UGT1A8: variants seen among roughly 807,000 people sequenced by gnomAD.
UGT1A8 encodes UDP-glucuronosyltransferase 1A8.
A neutral mutation model predicts 45.3 loss-of-function variants in UGT1A8; 39 were observed. The ratio of observed to expected loss-of-function variants is 0.86; its 90% CI spans 0.67 to 1.12. The LOEUF (loss-of-function observed/expected upper bound fraction) is 1.12, where lower values mean the gene tolerates loss of function less well. UGT1A8 is among the 50% of genes most tolerant of loss of function. The probability of loss-of-function intolerance (pLI) is 0.00; values close to 1 mark genes in which losing one functional copy is unlikely to be tolerated. For synonymous variants in UGT1A8, 275 were observed against 249.2 expected, an observed-to-expected ratio of 1.10 and a Z score of -0.97; for missense variants, 719 against 664.9, an observed-to-expected ratio of 1.08 and a Z score of -0.90.
chr2:233,639,352 C>CA (rs1459756196), intron 1 of UGT1A8, among the ~76,000 whole-genome samples: 1 of 152,126 alleles, frequency 6.6e-6, no homozygotes, highest in Non-Finnish European at 1.5e-5. Flanking sequence ...CAGAGGAATT[C>CA]GATCTCAAAG....
intron 1 of UGT1A8, among the ~76,000 whole-genome samples, chr2:233,650,594 A>G (rs2073714514): frequency 6.6e-6 from 1 of 152,162 alleles, no homozygotes; most frequent in South Asian, 2.1e-4. Flanking sequence ...TAAACTGCAA[A>G]TTTCTTTTGA....
At chr2:233,713,891 C>G in intron 1 of UGT1A8, 4 of 1,613,316 alleles carry the variant, frequency 2.5e-6, no homozygotes, top group African/African-American at 2.7e-5. Context: ...AATCAATGTT[C>G]CAGGCAAAAC....
chr2:233,653,974 C>T (rs1489914653), intron 1 of UGT1A8, among the ~76,000 whole-genome samples: 3 of 152,318 alleles, frequency 2.0e-5, no homozygotes, highest in South Asian at 2.1e-4. Context: ...AACATTTGTA[C>T]GTACATGCCT....
At chr2:233,692,144 A>G (rs1047287655) in intron 1 of UGT1A8, 1 of 152,200 alleles carries the variant, frequency 6.6e-6, no homozygotes, top group East Asian at 1.9e-4. Flanking sequence ...ATGGAAGCCT[A>G]CATAAAAACT....
At chr2:233,762,731 G>A (rs574048851) in intron 1 of UGT1A8, among the ~76,000 whole-genome samples, 140 of 149,512 alleles carry the variant, frequency 9.4e-4, no homozygotes, top group African/African-American at 3.3e-3. Context: ...TTTTTTTTTG[G>A]TCACTACTGT....
chr2:233,710,571 C>T (rs554761424), intron 1 of UGT1A8, among the ~76,000 whole-genome samples: 17 of 152,284 alleles, frequency 1.1e-4, no homozygotes, highest in Admixed American at 9.8e-4. Context: ...AAAAGGTGCC[C>T]TTTCAAAATC....
intron 1 of UGT1A8, chr2:233,729,873 C>G: frequency 2.5e-6 from 4 of 1,613,864 alleles, no homozygotes; most frequent in Non-Finnish European, 3.4e-6. Context: ...TGGATATTCT[C>G]AGTCATGCAT....
rs1699804309 is a variant in UGT1A8, at chr2:233,769,169, A to G, written c.1295+730A>G. Among the ~76,000 whole-genome samples, 1 of 152,236 alleles carries G rather than the reference A, an allele frequency of 6.6e-6. No individual in the cohort carries two copies. The highest frequency in any genetic ancestry group is 2.1e-4 in the South Asian group (1 of 4,828). On this transcript the variant is annotated intron_variant, in intron 4 of 4. Coordinates refer to ENST00000373450, the MANE Select transcript of UGT1A8 (RefSeq NM_019076.5). The surrounding 1 kb of genome is among the most constrained non-coding windows in gnomAD (Gnocchi z 4.4). ...CTGGAACCTGTGAGAAATTTTGTCC[A>G]TGGAGTTTATGAATGAAGGAGCTAT...
chr2:233,746,996 T>C (rs1200974449), intron 1 of UGT1A8, among the ~76,000 whole-genome samples: 1 of 151,576 alleles, frequency 6.6e-6, no homozygotes, highest in East Asian at 1.9e-4. Context: ...TCAGATGAGT[T>C]TTTCAAGTAG....
Position 233,728,224 on chromosome 2 carries a change from T to A in UGT1A8, c.856-38810T>A, listed in dbSNP as rs556375037. Among the ~76,000 whole-genome samples, 261 of 152,314 alleles carry A rather than the reference T, an allele frequency of 1.7e-3. 4 individuals are homozygous for A. The highest frequency in any genetic ancestry group is 5.7e-4 in the Non-Finnish European group (39 of 68,034). On this transcript the variant is annotated intron_variant, in intron 1 of 4. Coordinates refer to ENST00000373450, the MANE Select transcript of UGT1A8 (RefSeq NM_019076.5). ...GACTTGGAGAAGAGCCTGACCATAA[T>A]CTTCAGGATGAAATAAAGGCCTGGA...
chr2:233,766,405 C>T (rs545959555), intron 1 of UGT1A8, among the ~76,000 whole-genome samples: 1 of 152,316 alleles, frequency 6.6e-6, no homozygotes, highest in East Asian at 1.9e-4. Flanking sequence ...CGTCCCTCCG[C>T]TGATGTGCTC....
intron 1 of UGT1A8, chr2:233,741,926 GCATAACCTGTGC>G: frequency 6.6e-6 from 1 of 151,948 alleles, no homozygotes; most frequent in Non-Finnish European, 1.5e-5. Context: ...TTCATTTGGG[GCATAACCTGTGC>G]CAACAGAAAG....
At chr2:233,671,261 C>A (rs556711562) in intron 1 of UGT1A8, among the ~76,000 whole-genome samples, 2 of 152,178 alleles carry the variant, frequency 1.3e-5, no homozygotes, top group Admixed American at 1.3e-4. Context: ...CCACTGCGTG[C>A]GATGTATCTT....
At chr2:233,717,873 G>C (rs1268919584) in intron 1 of UGT1A8, 1 of 454,864 alleles carries the variant, frequency 2.2e-6, no homozygotes, top group African/African-American at 2.0e-5. Context: ...TTGACTTGGA[G>C]AAAAGCCTGG....
intron 1 of UGT1A8, among the ~76,000 whole-genome samples, chr2:233,676,783 G>A (rs2074371517): frequency 6.6e-6 from 1 of 152,136 alleles, no homozygotes; most frequent in African/African-American, 2.4e-5. Flanking sequence ...AAGACACAGA[G>A]GTCTTTTCTT....
chr2:233,676,076 C>G (rs1402003172), intron 1 of UGT1A8, among the ~76,000 whole-genome samples: 3 of 152,182 alleles, frequency 2.0e-5, no homozygotes, highest in Non-Finnish European at 4.4e-5. Flanking sequence ...ACAAGTGTGT[C>G]AAGATCATTC....
intron 1 of UGT1A8, among the ~76,000 whole-genome samples, chr2:233,706,932 A>G (rs1395113598): frequency 6.6e-6 from 1 of 152,126 alleles, no homozygotes; most frequent in Non-Finnish European, 1.5e-5. Context: ...GAGTCTGGTG[A>G]GATGGAATGC....
intron 1 of UGT1A8, among the ~76,000 whole-genome samples, chr2:233,651,273 G>A (rs1359892395): frequency 6.6e-6 from 1 of 152,044 alleles, no homozygotes; most frequent in Non-Finnish European, 1.5e-5. Flanking sequence ...AACCCACACT[G>A]AGTTCCTTGT....
chr2:233,754,525 G>T (rs1133497), intron 1 of UGT1A8: 18 of 367,412 alleles, frequency 4.9e-5, no homozygotes, highest in East Asian at 2.2e-4. Flanking sequence ...GTGCTTAAAG[G>T]CAAATGTGGA....
Sources: gnomAD v4.1 joint callset for allele counts (sites outside exome capture counted in the v4.1 genomes callset) on GRCh38, gnomAD v4.1.1 for gene constraint, Gnocchi (gnomAD v3.1) non-coding constraint, MANE v1.5 for transcripts, NCBI Gene and HGNC (gene_info 2026-07-23, HGNC 2026-07-21) for gene names.